Variants in MYO7B observed in about 807,000 individuals in gnomAD.
The protein encoded by MYO7B is unconventional myosin-VIIb.
MYO7B carries 212 observed loss-of-function variants against 259.7 expected under a neutral mutation model. The ratio of observed to expected loss-of-function variants is 0.82; its 90% CI spans 0.73 to 0.91. MYO7B has a LOEUF of 0.91. Among genes scored for constraint, MYO7B ranks in the 40% least tolerant of loss-of-function variants. MYO7B has a pLI of 0.00. For missense variants in MYO7B, 2,732 were observed against 2,813.5 expected (o/e 0.97, Z 0.66); for synonymous variants, 1,197 against 1,166.4 (o/e 1.03, Z -0.54).
intron 19 of MYO7B, among the ~76,000 whole-genome samples, chr2:127,603,572 A>G (rs567175090): frequency 6.6e-6 from 1 of 152,320 alleles, no homozygotes; most frequent in African/African-American, 2.4e-5. Flanking sequence ...CATGCTATAA[A>G]TAGATGTGCT....
chr2:127,626,981 T>C lies in MYO7B; in HGVS notation c.4222T>C (p.Tyr1408His), dbSNP rs752622103. 2 of 1,610,994 alleles carry C rather than the reference T, an allele frequency of 1.2e-6. No individual in the cohort carries two copies. Among genetic ancestry groups the C allele is most frequent in the Non-Finnish European group, 1.7e-6 (2 of 1,178,874 alleles). ...LVTAACAKAP[Y>H]TQKQVTPLAV... ...ATCCAGGATCCCCCCTCAGGCCCCATACACTCAGAAGCAAGTCACACCACT... is the reference window on the plus strand; with the variant it reads ...ATCCAGGATCCCCCCTCAGGCCCCACACACTCAGAAGCAAGTCACACCACT... Residue 1408 changes from tyrosine to histidine, a missense_variant, in exon 32 of 48, where the codon TAC (tyrosine) becomes CAC (histidine). This residue lies in a region of MYO7B where 1,906 missense variants were observed against 2,026.4 expected (regional missense o/e 0.94). Transcript: ENST00000409816.
At chr2:127,564,839 T>C (rs1333046749) in intron 3 of MYO7B, among the ~76,000 whole-genome samples, 1 of 152,240 alleles carries the variant, frequency 6.6e-6, no homozygotes, top group Non-Finnish European at 1.5e-5. Context: ...TATCTTCTAT[T>C]TGTGTGACAC....
In MYO7B at chr2:127,613,852, A is replaced by C. The variant is rs905032933; in HGVS notation, c.3398+1249A>C. On this transcript the variant is annotated intron_variant, in intron 26 of 47. Coordinates refer to ENST00000409816, the MANE Select transcript of MYO7B (RefSeq NM_001393586.1). This position sits in a 1 kb window ranked among gnomAD's most constrained non-coding sequence, Gnocchi z 4.3. ...GGCTAGAGTACCTGGAGTCTGCCCC[A>C]CCATGTGTGTCAGGGGGCAACCAGA... 6.6e-6 allele frequency among the ~76,000 whole-genome samples: 1 copy of C among 152,196 alleles called. No individual in the cohort carries two copies. The highest frequency in any genetic ancestry group is 2.4e-5 in the African/African-American group (1 of 41,452).
At chr2:127,566,891 C>T in intron 5 of MYO7B, 64 bp downstream of exon 5, 2 of 1,529,862 alleles carry the variant, frequency 1.3e-6, no homozygotes, top group South Asian at 1.2e-5. Flanking sequence ...ACCAGCATGC[C>T]TGCAAGATCA....
intron 18 of MYO7B, among the ~76,000 whole-genome samples, chr2:127,596,050 A>T (rs1261890333): frequency 6.6e-6 from 1 of 152,204 alleles, no homozygotes; most frequent in Non-Finnish European, 1.5e-5. Context: ...TAATATTGAC[A>T]GTGAGGTGTT....
At chr2:127,634,522 C>A in intron 41 of MYO7B, 74 bp from the exon 42 acceptor site, 1 of 1,364,194 alleles carries the variant, frequency 7.3e-7, no homozygotes, top group Non-Finnish European at 1.0e-6. Context: ...GGCCACTGGA[C>A]CAGAACCCAG....
rs1221210444 is a variant in MYO7B at position 127,593,562 on chromosome 2, G to T, written c.2162G>T (p.Arg721Leu). The T allele has an allele frequency of 6.2e-7, 1 of 1,613,132 alleles. No individual in the cohort carries two copies. Among genetic ancestry groups the T allele is most frequent in the South Asian group, 1.1e-5 (1 of 91,036 alleles). ...AMRMQLQGKL[R>L]QMTLGITDVW... ...TCTTGGCAGCTGCAAGGCAAGCTCCGCCAGATGACCCTGGGCATCACTGAC... is the reference window on the plus strand; with the variant it reads ...TCTTGGCAGCTGCAAGGCAAGCTCCTCCAGATGACCCTGGGCATCACTGAC... The change falls in exon 18 of 48, where the codon CGC becomes CTC. Residue 721 changes from arginine (R) to leucine (L), a missense_variant. This residue lies in a region of MYO7B where 1,906 missense variants were observed against 2,026.4 expected (regional missense o/e 0.94). Transcript: ENST00000409816.
At chr2:127,593,009 C>T (rs1031040617) in intron 17 of MYO7B, 63 bp downstream of exon 17, 1 of 1,538,740 alleles carries the variant, frequency 6.5e-7, no homozygotes, top group South Asian at 1.2e-5. Context: ...GCCTTGGCAC[C>T]TCCAGCCCCC....
At chr2:127,625,623 C>T (rs1573712293) in intron 31 of MYO7B, 88 bp downstream of exon 31, 1 of 1,319,154 alleles carries the variant, frequency 7.6e-7, no homozygotes, top group Non-Finnish European at 9.8e-7. Flanking sequence ...GATGGATTCC[C>T]TCCCCACAAC....
rs776533482 is a variant in MYO7B at position 127,609,694 on chromosome 2, C to A, written c.3003C>A (p.His1001Gln). ...RRPLRYPLLY[H>Q]EDDTDCLAAL... Reference sequence around the variant, plus strand: ...CCCTCCGATACCCGTTGCTTTACCACGAAGATGACACTGACTGCTTGGTAC... The same window carrying A: ...CCCTCCGATACCCGTTGCTTTACCAAGAAGATGACACTGACTGCTTGGTAC... Residue 1001 changes from histidine (H) to glutamine (Q), a missense_variant, in exon 23 of 48, where the codon CAC becomes CAA. By Grantham distance (24) the His-to-Gln change is conservative. This residue lies in a region of MYO7B where 1,906 missense variants were observed against 2,026.4 expected (regional missense o/e 0.94). Transcript: ENST00000409816. The surrounding 1 kb of genome is among the most constrained non-coding windows in gnomAD (Gnocchi z 6.9). 6.2e-7 allele frequency: 1 copy of A among 1,613,834 alleles called. No individual in the cohort carries two copies. Among genetic ancestry groups the A allele is most frequent in the African/African-American group, 1.3e-5 (1 of 74,914 alleles).
At chr2:127,633,611 G>T (rs1340003295) in intron 40 of MYO7B, among the ~76,000 whole-genome samples, 2 of 152,226 alleles carry the variant, frequency 1.3e-5, no homozygotes, top group East Asian at 3.9e-4. Flanking sequence ...AGAGGACAGA[G>T]GGGTGGGCAG....
At position 127,577,697 on chromosome 2, in the gene MYO7B, G is replaced by A. The variant is rs77219026; in HGVS notation, c.850-436G>A. On this transcript the variant is annotated intron_variant, in intron 8 of 47. Coordinates refer to ENST00000409816, the MANE Select transcript of MYO7B (RefSeq NM_001393586.1). This position sits in a 1 kb window ranked among gnomAD's most constrained non-coding sequence, Gnocchi z 5.2. ...TCCACCTCTCGATAGGGCTGGCCCC[G>A]GCCCCTGTGGTCTGGGCACCTGTAA... 0.015 allele frequency among the ~76,000 whole-genome samples: 2,300 copies of A among 152,278 alleles called. 59 individuals are homozygous for A. The highest frequency in any genetic ancestry group is 0.052 in the African/African-American group (2,148 of 41,542).
rs1162691104 is a variant in MYO7B, at chr2:127,586,721, T to A, written c.1691-1671T>A. Among the ~76,000 whole-genome samples the A allele has an allele frequency of 6.6e-6, 1 of 152,242 alleles. No individual in the cohort carries two copies. The highest frequency in any genetic ancestry group is 1.9e-4 in the East Asian group (1 of 5,198). On this transcript the variant is annotated intron_variant, in intron 14 of 47. Coordinates refer to ENST00000409816, the MANE Select transcript of MYO7B (RefSeq NM_001393586.1). This position sits in a 1 kb window ranked among gnomAD's most constrained non-coding sequence, Gnocchi z 4.8. ...AGATTAAGGTCGATTCTTTCTAGAC[T>A]TTCTGGTTGCAGAAATATTAATTAA...
At chr2:127,620,580 C>T (rs1680796550) in intron 27 of MYO7B, 114 bp downstream of exon 27, 2 of 1,265,046 alleles carry the variant, frequency 1.6e-6, no homozygotes, top group Non-Finnish European at 2.1e-6. Context: ...ATTTCTCCTG[C>T]TCCTGCAGGC....
At chr2:127,608,035 C>G (rs565992704) in intron 21 of MYO7B, among the ~76,000 whole-genome samples, 16 of 152,286 alleles carry the variant, frequency 1.1e-4, no homozygotes, top group African/African-American at 2.9e-4. Flanking sequence ...TGGGAGGACA[C>G]TGAGCAGGGG....
At position 127,568,266 on chromosome 2, in the gene MYO7B, C is replaced by T. The variant is rs1025061561; in HGVS notation, c.470+1439C>T. On this transcript the variant is annotated intron_variant, in intron 5 of 47. Transcript: ENST00000409816. Reference sequence around the variant, plus strand: ...GCAGGCTGGCTGGCCAGGGAGCTTACGGTGTGGCTCTACCTGGAGGTTGGC... The same window carrying T: ...GCAGGCTGGCTGGCCAGGGAGCTTATGGTGTGGCTCTACCTGGAGGTTGGC... Among the ~76,000 whole-genome samples the T allele has an allele frequency of 5.3e-5, 8 of 152,238 alleles. 1 individual carries two copies. Among genetic ancestry groups the T allele is most frequent in the Admixed American group, 3.3e-4 (5 of 15,294 alleles).
intron 41 of MYO7B, 91 bp from the exon 42 acceptor site, chr2:127,634,505 C>T (rs898140979): frequency 2.3e-5 from 27 of 1,195,502 alleles, no homozygotes; most frequent in African/African-American, 1.2e-4. Context: ...GCACCCAGGC[C>T]GTAGGCGGCC....
chr2:127,580,944 T>G (rs35136538), intron 10 of MYO7B, 122 bp downstream of exon 10: 396,958 of 977,988 alleles, frequency 0.41, 87,741 homozygotes, highest in East Asian at 0.69. Flanking sequence ...CCAGGGCCTA[T>G]GCTCAAACCC....
intron 2 of MYO7B, among the ~76,000 whole-genome samples, chr2:127,563,418 G>A (rs1678186449): frequency 6.6e-6 from 1 of 152,138 alleles, no homozygotes; most frequent in Admixed American, 6.5e-5. Context: ...TTTTAGTAGT[G>A]GCTTCTCCCA....
Sources: allele counts gnomAD v4.1 joint callset (sites outside exome capture counted in the v4.1 genomes callset), GRCh38; gene constraint gnomAD v4.1.1; regional missense constraint gnomAD v4.1.1; non-coding constraint Gnocchi (gnomAD v3.1); transcripts MANE v1.5; gene names NCBI Gene and HGNC (gene_info 2026-07-23, HGNC 2026-07-21).